STIMATE: variants seen among roughly 807,000 people sequenced by gnomAD.
STIMATE encodes the protein store-operated calcium entry regulator STIMATE.
In STIMATE, 15 loss-of-function variants were observed where a neutral mutation model predicts 36.7. That is an observed-to-expected ratio of 0.41 (90% CI 0.27 to 0.63). The LOEUF is 0.63. Ranked by LOEUF, STIMATE falls within the 20% of genes least tolerant of loss-of-function variation. The probability of loss-of-function intolerance (pLI) is 0.32; values close to 1 mark genes in which losing one functional copy is unlikely to be tolerated. For synonymous variants in STIMATE, 163 were observed against 162.3 expected (o/e 1.00, Z -0.03); for missense variants, 305 against 397.3 (o/e 0.77, Z 1.98).
chr3:52,879,126 A>G (rs748621582), intron 1 of STIMATE, among the ~76,000 whole-genome samples: 5 of 152,246 alleles, frequency 3.3e-5, no homozygotes, highest in Non-Finnish European at 7.3e-5. Context: ...TAAATTACAC[A>G]TAAGACCTTT....
chr3:52,887,268 C>T (rs1239856523), intron 1 of STIMATE, among the ~76,000 whole-genome samples: 1 of 152,210 alleles, frequency 6.6e-6, no homozygotes, highest in Non-Finnish European at 1.5e-5. Flanking sequence ...TAATCCCAGC[C>T]TCCTTCCACC....
At chr3:52,847,328 A>G in intron 4 of STIMATE, 1 of 1,207,094 alleles carries the variant, frequency 8.3e-7, no homozygotes, top group East Asian at 5.7e-5. Context: ...GAGGGAACAC[A>G]TCTGTGGCGA....
intron 1 of STIMATE, among the ~76,000 whole-genome samples, chr3:52,880,080 T>A (rs1701576144): frequency 6.6e-6 from 1 of 152,190 alleles, no homozygotes; most frequent in Non-Finnish European, 1.5e-5. Flanking sequence ...CTATTTCTCA[T>A]TTGAAACAGG....
chr3:52,857,753 A>T (rs1701131997), intron 1 of STIMATE, among the ~76,000 whole-genome samples: 1 of 150,064 alleles, frequency 6.7e-6, no homozygotes, highest in South Asian at 2.1e-4. Context: ...TTATAATTAT[A>T]TTATTATTAT....
intron 1 of STIMATE, among the ~76,000 whole-genome samples, chr3:52,859,169 A>T (rs1455230092): frequency 1.4e-5 from 2 of 147,602 alleles, no homozygotes; most frequent in Non-Finnish European, 3.0e-5. Context: ...TCTCAAAAAA[A>T]ATAAAATAAA....
intron 1 of STIMATE, among the ~76,000 whole-genome samples, chr3:52,878,295 G>A (rs1005018648): frequency 6.7e-6 from 1 of 148,232 alleles, no homozygotes; most frequent in Admixed American, 6.6e-5. Context: ...TCTGTTCCCT[G>A]GTCTAGGAAC....
chr3:52,882,923 T>C (rs4687682), intron 1 of STIMATE, among the ~76,000 whole-genome samples: 87,563 of 151,976 alleles, frequency 0.58, 25,623 homozygotes, highest in Middle Eastern at 0.64. Flanking sequence ...TTTCCCAGCA[T>C]GGCTTCTAGG....
At chr3:52,892,509 G>A (rs968020343) in intron 1 of STIMATE, among the ~76,000 whole-genome samples, 1 of 152,202 alleles carries the variant, frequency 6.6e-6, no homozygotes, top group Non-Finnish European at 1.5e-5. Context: ...ACTCCAGAAG[G>A]AGGAAAGGAC....
chr3:52,850,060 G>A lies in STIMATE; in HGVS notation c.306-147C>T. 2.2e-6 allele frequency: 3 copies of A among 1,368,372 alleles called. No homozygotes were observed. The South Asian group carries it at 4.6e-5, about 21-fold the overall frequency. 84.8% of individuals were successfully genotyped at this position (1,368,372 alleles called of 1,614,324 possible). On this transcript the variant is annotated intron_variant, in intron 3 of 7. Transcript: ENST00000355083. ...CTGGGAGCCCTCATGTGCCAGTGTA[G>A]CTGTCACTACCATGTGCTGAAGCTC... is the stretch of plus-strand genomic sequence containing the variant.
intron 1 of STIMATE, among the ~76,000 whole-genome samples, chr3:52,865,990 C>T (rs1454326067): frequency 1.3e-5 from 2 of 152,158 alleles, no homozygotes; most frequent in African/African-American, 2.4e-5. Flanking sequence ...CATTTTCTTT[C>T]ATTAGAGGCT....
intron 3 of STIMATE, among the ~76,000 whole-genome samples, chr3:52,851,846 A>G (rs1407624051): frequency 6.6e-6 from 1 of 152,172 alleles, no homozygotes; most frequent in Non-Finnish European, 1.5e-5. Flanking sequence ...GCAAAGCATC[A>G]TGTGGGCCCT....
At chr3:52,861,391 C>T (rs1005159699) in intron 1 of STIMATE, among the ~76,000 whole-genome samples, 1 of 152,194 alleles carries the variant, frequency 6.6e-6, no homozygotes, top group African/African-American at 2.4e-5. Flanking sequence ...AGCAGACTCG[C>T]GGCCTTTTGT....
intron 2 of STIMATE, among the ~76,000 whole-genome samples, chr3:52,853,243 A>G (rs1016958131): frequency 3.9e-5 from 6 of 152,176 alleles, no homozygotes; most frequent in African/African-American, 1.2e-4. Context: ...GCCGCTAGAG[A>G]ATGATGCAGT....
chr3:52,864,127 C>T (rs993113693), intron 1 of STIMATE, among the ~76,000 whole-genome samples: 9 of 152,230 alleles, frequency 5.9e-5, no homozygotes, highest in African/African-American at 9.7e-5. Flanking sequence ...GTGGGGGCTC[C>T]GACCTCACAT....
chr3:52,857,101 A>G (rs1192462953), intron 1 of STIMATE, among the ~76,000 whole-genome samples: 1 of 152,216 alleles, frequency 6.6e-6, no homozygotes, highest in Non-Finnish European at 1.5e-5. Flanking sequence ...GAGACAGGGA[A>G]GGAGAAAATG....
At chr3:52,870,829 C>T (rs956053844) in intron 1 of STIMATE, among the ~76,000 whole-genome samples, 1 of 152,118 alleles carries the variant, frequency 6.6e-6, no homozygotes, top group African/African-American at 2.4e-5. Flanking sequence ...TGGGAGACCA[C>T]CTCAGCAGAG....
intron 1 of STIMATE, among the ~76,000 whole-genome samples, chr3:52,885,190 T>A (rs1701670578): frequency 6.6e-6 from 1 of 152,258 alleles, no homozygotes; most frequent in South Asian, 2.1e-4. Flanking sequence ...CATCTTTTCA[T>A]GTGCTCATTG....
chr3:52,843,486 G>A (rs1700840700), intron 6 of STIMATE, among the ~76,000 whole-genome samples: 1 of 152,174 alleles, frequency 6.6e-6, no homozygotes, highest in Non-Finnish European at 1.5e-5. Context: ...CCTCGGCAGG[G>A]AGGACAAGAC....
chr3:52,843,593 G>A, intron 6 of STIMATE, 128 bp downstream of exon 6: 1 of 1,383,644 alleles, frequency 7.2e-7, no homozygotes, highest in Non-Finnish European at 1.0e-6. Flanking sequence ...GGGGGTGGGA[G>A]AGGTGGCAAA....
Sources: allele counts gnomAD v4.1 joint callset (sites outside exome capture counted in the v4.1 genomes callset), GRCh38; gene constraint gnomAD v4.1.1; transcripts MANE v1.5; gene names NCBI Gene and HGNC (gene_info 2026-07-23, HGNC 2026-07-21).